Variants in SMNDC1 observed in about 807,000 individuals in gnomAD.
The protein encoded by SMNDC1 is survival of motor neuron-related-splicing factor 30.
SMNDC1 carries 5 observed loss-of-function variants against 29.2 expected under a neutral mutation model. That is an observed-to-expected ratio of 0.17 (90% CI 0.09 to 0.36). The LOEUF (loss-of-function observed/expected upper bound fraction) is 0.36, where lower values mean the gene tolerates loss of function less well. SMNDC1 is among the 10% of genes least tolerant of loss of function. SMNDC1 has a pLI of 1.00. For missense variants in SMNDC1, 142 were observed against 268.5 expected (o/e 0.53, Z 3.29); for synonymous variants, 80 against 89.9 (o/e 0.89, Z 0.62).
chr10:110,300,530 T>C, intron 2 of SMNDC1: 1 of 981,866 alleles, frequency 1.0e-6, no homozygotes, highest in Non-Finnish European at 1.2e-6. Flanking sequence ...TATGAGGGGG[T>C]TCTTGAAGGT....
chr10:110,298,990 G>C (rs1289218067), intron 2 of SMNDC1, among the ~76,000 whole-genome samples, 200 bp from the exon 3 acceptor site: 1 of 152,170 alleles, frequency 6.6e-6, no homozygotes, highest in Non-Finnish European at 1.5e-5. Context: ...TGGCAGAGCT[G>C]TGACTTAAGC....
Position 110,291,052 on chromosome 10 carries a change from T to A in SMNDC1, c.*3098A>T, listed in dbSNP as rs776213691. 3 of 152,222 alleles carry A rather than the reference T, an allele frequency of 2.0e-5. No homozygotes were observed. Among genetic ancestry groups the A allele is most frequent in the African/African-American group, 4.8e-5 (2 of 41,460 alleles). The allele number at this position is 152,222 out of a possible 1,614,324, so 9.4% of individuals were successfully genotyped here. ...ACAACAAGCAATTTTTTAAAAAAAA[T>A]GTGTTGCTACAGTAACTGATGCATC... is the stretch of plus-strand genomic sequence containing the variant. On this transcript the variant is annotated 3_prime_UTR_variant, in exon 6 of 6. Coordinates refer to ENST00000369603, the MANE Select transcript of SMNDC1 (RefSeq NM_005871.4).
intron 2 of SMNDC1, among the ~76,000 whole-genome samples, chr10:110,303,182 C>T (rs1245363223): frequency 6.6e-6 from 1 of 152,164 alleles, no homozygotes; most frequent in Non-Finnish European, 1.5e-5. Context: ...GTTACATGTA[C>T]CTCTCGTCTT....
At chr10:110,301,034 G>A (rs1277857070) in intron 2 of SMNDC1, among the ~76,000 whole-genome samples, 6 of 152,164 alleles carry the variant, frequency 3.9e-5, no homozygotes, top group Admixed American at 1.3e-4. Flanking sequence ...TGCAAAAAAA[G>A]CATTTTGTCA....
At chr10:110,295,161 CATTTTA>C in intron 5 of SMNDC1, 61 bp downstream of exon 5, 4 of 1,422,378 alleles carry the variant, frequency 2.8e-6, no homozygotes, top group Non-Finnish European at 3.8e-6. Flanking sequence ...CATCTCTTTT[CATTTTA>C]AAGTTATTTT....
chr10:110,300,555 A>G (rs1857631038), intron 2 of SMNDC1: 1 of 985,164 alleles, frequency 1.0e-6, no homozygotes. Flanking sequence ...ACCATTAATT[A>G]CTTTTCCTCC....
intron 2 of SMNDC1, 99 bp downstream of exon 2, chr10:110,303,369 G>A: frequency 1.0e-6 from 1 of 994,778 alleles, no homozygotes; most frequent in South Asian, 1.8e-5. Flanking sequence ...TATATACATA[G>A]GGTGGGGTGT....
chr10:110,300,606 G>A (rs1324196268), intron 2 of SMNDC1: 4 of 985,290 alleles, frequency 4.1e-6, no homozygotes, highest in Non-Finnish European at 4.8e-6. Context: ...ATCGACAGAT[G>A]GGCAGCAGTT....
chr10:110,294,567 C>T (rs994041450), intron 5 of SMNDC1, among the ~76,000 whole-genome samples: 1 of 152,190 alleles, frequency 6.6e-6, no homozygotes, highest in Non-Finnish European at 1.5e-5. Context: ...CAAATCCTAA[C>T]TTCAGCTGTG....
In SMNDC1 at chr10:110,292,619, T is replaced by C. The variant is rs913850040; in HGVS notation, c.*1531A>G. On this transcript the variant is annotated 3_prime_UTR_variant, in exon 6 of 6. Coordinates refer to ENST00000369603, the MANE Select transcript of SMNDC1 (RefSeq NM_005871.4). ...GTTTACAGGCTTCAACAAACCCTTT[T>C]TCTACTGCAGTTTGTGCCTTTCTGT... is the stretch of plus-strand genomic sequence containing the variant. 1.3e-5 allele frequency: 2 copies of C among 152,182 alleles called. No homozygotes were observed. Among genetic ancestry groups the C allele is most frequent in the Non-Finnish European group, 1.5e-5 (1 of 68,028 alleles). 9.4% of individuals were successfully genotyped at this position (152,182 alleles called of 1,614,324 possible).
chr10:110,299,242 C>T (rs1372607263), intron 2 of SMNDC1, among the ~76,000 whole-genome samples: 1 of 152,154 alleles, frequency 6.6e-6, no homozygotes, highest in East Asian at 1.9e-4. Context: ...CTTTAAGCAG[C>T]TTTATTAGTA....
chr10:110,294,369 T>C, intron 5 of SMNDC1, 82 bp from the exon 6 acceptor site: 6 of 1,178,416 alleles, frequency 5.1e-6, no homozygotes, highest in Non-Finnish European at 7.0e-6. Flanking sequence ...TGTTAAAATA[T>C]ATTCTGGTTT....
At position 110,292,022 on chromosome 10, in the gene SMNDC1, T is replaced by C. The variant is rs1157685978; in HGVS notation, c.*2128A>G. On this transcript the variant is annotated 3_prime_UTR_variant, in exon 6 of 6. Transcript: ENST00000369603. ...TCTACATTAAATTTTCTAACAAAGC[T>C]TTTTAAGGTCAAGGTTTATATTTTG... 6.6e-6 allele frequency: 1 copy of C among 152,206 alleles called. No individual in the cohort carries two copies. The highest frequency in any genetic ancestry group is 1.5e-5 in the Non-Finnish European group (1 of 68,032). 9.4% of individuals were successfully genotyped at this position (152,206 alleles called of 1,614,324 possible).
chr10:110,294,620 G>C (rs1156979665), intron 5 of SMNDC1, among the ~76,000 whole-genome samples: 1 of 152,192 alleles, frequency 6.6e-6, no homozygotes, highest in African/African-American at 2.4e-5. Flanking sequence ...CTGTATTGTG[G>C]TTTACTGTGG....
chr10:110,299,895 T>TATAA (rs967085768), intron 2 of SMNDC1, among the ~76,000 whole-genome samples: 1 of 152,226 alleles, frequency 6.6e-6, no homozygotes. Context: ...AGGTTAGTTT[T>TATAA]ATAAATAAAT....
chr10:110,298,011 G>A (rs780275200), intron 3 of SMNDC1, among the ~76,000 whole-genome samples: 2 of 151,766 alleles, frequency 1.3e-5, no homozygotes, highest in African/African-American at 2.4e-5. Flanking sequence ...TCTTTTTTGC[G>A]ACAGAGTCTC....
intron 2 of SMNDC1, among the ~76,000 whole-genome samples, chr10:110,299,455 C>T (rs897616360): frequency 6.6e-6 from 1 of 152,160 alleles, no homozygotes; most frequent in Admixed American, 6.5e-5. Context: ...AGGTAACACA[C>T]AAAGGCAATG....
intron 4 of SMNDC1, among the ~76,000 whole-genome samples, chr10:110,296,839 C>T (rs1012669752): frequency 4.6e-5 from 7 of 152,132 alleles, no homozygotes; most frequent in Admixed American, 1.3e-4. Context: ...GTTACTTGTA[C>T]GTGCTCACCT....
In SMNDC1 at chr10:110,290,950, G is replaced by C. The variant is rs1857492644; in HGVS notation, c.*3200C>G. On this transcript the variant is annotated 3_prime_UTR_variant, in exon 6 of 6. Coordinates refer to ENST00000369603, the MANE Select transcript of SMNDC1 (RefSeq NM_005871.4). ...AGTTTTCCTTTATGTTAACCTGATGGTCTCCTTTGCTATTTTTAAGGCAGA... is the reference window on the plus strand; with the variant it reads ...AGTTTTCCTTTATGTTAACCTGATGCTCTCCTTTGCTATTTTTAAGGCAGA... 6.6e-6 allele frequency: 1 copy of C among 151,978 alleles called. No homozygotes were observed. The highest frequency in any genetic ancestry group is 2.4e-5 in the African/African-American group (1 of 41,364). 9.4% of individuals were successfully genotyped at this position (151,978 alleles called of 1,614,324 possible). A position where few individuals can be genotyped will look rare whatever the true frequency, so the allele number is the denominator to read the frequency against.
Sources: allele counts gnomAD v4.1 joint callset (sites outside exome capture counted in the v4.1 genomes callset), GRCh38; gene constraint gnomAD v4.1.1; transcripts MANE v1.5; gene names NCBI Gene and HGNC (gene_info 2026-07-23, HGNC 2026-07-21).